The following ALKBH8 variants were observed in gnomAD, a reference collection of about 807,000 sequenced individuals.
ALKBH8 encodes tRNA (carboxymethyluridine(34)-5-O)-methyltransferase ALKBH8.
ALKBH8 carries 36 observed loss-of-function variants against 59.8 expected under a neutral mutation model. The observed-to-expected ratio is 0.60, with a 90% confidence interval of 0.46 to 0.79. The LOEUF (loss-of-function observed/expected upper bound fraction) is 0.79, where lower values mean the gene tolerates loss of function less well. Ranked by LOEUF, ALKBH8 falls within the 30% of genes least tolerant of loss-of-function variation. The pLI is 0.00. For missense variants in ALKBH8, 768 were observed against 801.0 expected (o/e 0.96, Z 0.50); for synonymous variants, 276 against 273.6 (o/e 1.01, Z -0.09).
At chr11:107,533,560 T>C (rs1035466180) in intron 7 of ALKBH8, among the ~76,000 whole-genome samples, 4 of 152,206 alleles carry the variant, frequency 2.6e-5, no homozygotes, top group African/African-American at 9.6e-5. Flanking sequence ...CTAACAGTTA[T>C]CTGTTCCAGA....
At chr11:107,537,194 G>C (rs758385515) in intron 7 of ALKBH8, among the ~76,000 whole-genome samples, 2 of 152,238 alleles carry the variant, frequency 1.3e-5, no homozygotes, top group African/African-American at 2.4e-5. Flanking sequence ...GGTTAGTTTT[G>C]TGCAGTGTTT....
chr11:107,524,297 C>G (rs560727468), intron 9 of ALKBH8, among the ~76,000 whole-genome samples: 120 of 152,048 alleles, frequency 7.9e-4, no homozygotes, highest in Non-Finnish European at 1.5e-3. Flanking sequence ...CTCCTGGCCT[C>G]AAGCAATTCT....
chr11:107,508,433 A>C (rs568735174), intron 11 of ALKBH8, among the ~76,000 whole-genome samples: 2 of 152,162 alleles, frequency 1.3e-5, no homozygotes, highest in Non-Finnish European at 2.9e-5. Flanking sequence ...TTGTCCTTCC[A>C]AAGCACTGGG....
intron 11 of ALKBH8, among the ~76,000 whole-genome samples, chr11:107,507,985 A>G (rs1045427566): frequency 1.2e-4 from 18 of 152,268 alleles, no homozygotes; most frequent in African/African-American, 4.3e-4. Context: ...AGACCTTTCA[A>G]TGACTCTCTA....
intron 7 of ALKBH8, among the ~76,000 whole-genome samples, chr11:107,540,724 C>G (rs925487304): frequency 6.6e-6 from 1 of 152,166 alleles, no homozygotes; most frequent in African/African-American, 2.4e-5. Flanking sequence ...AATCCACCAA[C>G]ATTCAAAAAT....
chr11:107,505,125 A>G lies in ALKBH8; in HGVS notation c.1528T>C (p.Tyr510His), dbSNP rs530996811. The G allele has an allele frequency of 1.3e-6, 2 of 1,551,252 alleles. No individual in the cohort carries two copies. Among genetic ancestry groups the G allele is most frequent in the East Asian group, 4.9e-5 (2 of 40,914 alleles). The stretch of plus-strand genomic sequence containing the variant: ...AGATACTTGGACTTCTGCTTATTAT[A>G]TTCTTGTTCCATTGCCCAGACATAA... ...LIYVWAMEQE[Y>H]NKQKSKYLRG... Residue 510 changes from tyrosine (Y) to histidine (H), a missense_variant, in exon 12 of 12, where the codon TAT becomes CAT. By Grantham distance (83) the Tyr-to-His change is moderately conservative. Transcript: ENST00000428149.
chr11:107,565,450 C>G (rs531799350), intron 1 of ALKBH8, 151 bp downstream of exon 1: 1 of 1,051,650 alleles, frequency 9.5e-7, no homozygotes. Flanking sequence ...CCCTACTGCC[C>G]ACACTGCACC....
chr11:107,538,179 T>C (rs1189749923), intron 7 of ALKBH8, among the ~76,000 whole-genome samples: 1 of 152,022 alleles, frequency 6.6e-6, no homozygotes, highest in Non-Finnish European at 1.5e-5. Flanking sequence ...ATTTTATCCT[T>C]TATATCTCTG....
chr11:107,514,030 G>A (rs541755201), intron 10 of ALKBH8, among the ~76,000 whole-genome samples: 148 of 151,952 alleles, frequency 9.7e-4, no homozygotes, highest in Middle Eastern at 6.8e-3. Context: ...GCACATGTAC[G>A]CTTGAACCTA....
At chr11:107,543,763 C>CA (rs1864141039) in intron 7 of ALKBH8, among the ~76,000 whole-genome samples, 1 of 151,846 alleles carries the variant, frequency 6.6e-6, no homozygotes, top group African/African-American at 2.4e-5. Flanking sequence ...TCAATAAAGG[C>CA]AAAAAATAAA....
chr11:107,522,660 G>A, intron 9 of ALKBH8, 105 bp from the exon 10 acceptor site: 1 of 1,268,910 alleles, frequency 7.9e-7, no homozygotes, highest in Non-Finnish European at 1.1e-6. Context: ...TTGGTGGGTA[G>A]ACAGACTCTG....
chr11:107,524,103 G>C (rs185327373), intron 9 of ALKBH8, among the ~76,000 whole-genome samples: 1 of 151,980 alleles, frequency 6.6e-6, no homozygotes, highest in East Asian at 1.9e-4. Flanking sequence ...TGTCACCCAG[G>C]CCACAGTGCA....
chr11:107,555,042 G>C (rs757806060), intron 3 of ALKBH8, among the ~76,000 whole-genome samples: 7 of 152,104 alleles, frequency 4.6e-5, no homozygotes, highest in Non-Finnish European at 1.0e-4. Flanking sequence ...GGCGGATCAC[G>C]AGGTCAGGAG....
chr11:107,529,659 T>C, intron 8 of ALKBH8, among the ~76,000 whole-genome samples: 1 of 147,384 alleles, frequency 6.8e-6, no homozygotes, highest in African/African-American at 2.7e-5. Context: ...CACACGCCAC[T>C]ATGCCTGGCT....
At chr11:107,563,291 G>A (rs575293697) in intron 1 of ALKBH8, among the ~76,000 whole-genome samples, 12 of 152,230 alleles carry the variant, frequency 7.9e-5, no homozygotes, top group African/African-American at 2.9e-4. Context: ...TTCTGAAGGC[G>A]GGATTAAATC....
intron 7 of ALKBH8, among the ~76,000 whole-genome samples, chr11:107,535,054 T>C (rs983732966): frequency 1.3e-5 from 2 of 152,242 alleles, no homozygotes; most frequent in African/African-American, 4.8e-5. Flanking sequence ...TAGTCTCCAG[T>C]TCCATCCAGG....
Position 107,556,758 on chromosome 11 carries a change from GATA to G in ALKBH8, c.367+5_367+7del. On this transcript the variant is annotated splice_donor_5th_base_variant and intron_variant, in intron 3 of 11. Transcript: ENST00000428149. ...ATCATTTTTTAAAAGATAATTGTAT[GATA>G]ATACCTTTTTCCACAAAATTCAAAT... 7.5e-7 allele frequency: 1 copy of G among 1,329,184 alleles called. No homozygotes were observed. The highest frequency in any genetic ancestry group is 9.7e-7 in the Non-Finnish European group (1 of 1,025,910). 82.3% of individuals were successfully genotyped at this position (1,329,184 alleles called of 1,614,324 possible). A position where few individuals can be genotyped will look rare whatever the true frequency, so the allele number is the denominator to read the frequency against.
At chr11:107,509,860 T>C (rs935421299) in intron 11 of ALKBH8, among the ~76,000 whole-genome samples, 2 of 152,234 alleles carry the variant, frequency 1.3e-5, no homozygotes, top group Admixed American at 6.5e-5. Flanking sequence ...GATATAGATA[T>C]ATTTGTGTAC....
rs573030308 is a variant in ALKBH8 at position 107,537,981 on chromosome 11, T to C, written c.772-5575A>G. The stretch of plus-strand genomic sequence containing the variant: ...TTTGAATAAGGAGTCTATACTTTCA[T>C]TTGGAATTGGGCCCCACAATTTAGA... On this transcript the variant is annotated intron_variant, in intron 7 of 11. Coordinates refer to ENST00000428149, the MANE Select transcript of ALKBH8 (RefSeq NM_138775.3). Among the ~76,000 whole-genome samples the C allele has an allele frequency of 1.4e-4, 22 of 152,266 alleles. 1 individual carries two copies. In the South Asian group the frequency reaches 4.6e-3, roughly 32 times the overall value.
Sources: allele counts gnomAD v4.1 joint callset (sites outside exome capture counted in the v4.1 genomes callset), GRCh38; gene constraint gnomAD v4.1.1; transcripts MANE v1.5; gene names NCBI Gene and HGNC (gene_info 2026-07-23, HGNC 2026-07-21).